MAD1L1: variants seen among roughly 807,000 people sequenced by gnomAD.
MAD1L1 encodes the protein mitotic spindle assembly checkpoint protein MAD1.
A neutral mutation model predicts 96.9 loss-of-function variants in MAD1L1; 95 were observed. The ratio of observed to expected loss-of-function variants is 0.98; its 90% confidence interval spans 0.83 to 1.16. MAD1L1 has a LOEUF of 1.16. Among genes scored for constraint, MAD1L1 ranks in the 50% most tolerant of loss-of-function variants. The pLI, the probability that MAD1L1 is intolerant of heterozygous loss-of-function variation, is 0.00. For missense variants in MAD1L1, 1,007 were observed against 954.4 expected (o/e 1.06, Z -0.73); for synonymous variants, 473 against 396.6 (o/e 1.19, Z -2.29).
At chr7:1,937,275 G>A (rs2128464190) in intron 16 of MAD1L1, among the ~76,000 whole-genome samples, 1 of 152,304 alleles carries the variant, frequency 6.6e-6, no homozygotes, top group Admixed American at 6.5e-5. Flanking sequence ...GATGAGACTG[G>A]GAGCCCGTGT....
intron 14 of MAD1L1, among the ~76,000 whole-genome samples, chr7:1,982,099 A>G (rs1210941464): frequency 6.6e-6 from 1 of 152,120 alleles, no homozygotes. Flanking sequence ...CAACATGTCT[A>G]TGTTCTTCCT....
intron 18 of MAD1L1, chr7:1,849,064 AC>A (rs1562454223): frequency 6.6e-6 from 1 of 150,786 alleles, no homozygotes; most frequent in Non-Finnish European, 1.5e-5. Flanking sequence ...ACACACACAC[AC>A]ACACACACAA....
intron 15 of MAD1L1, among the ~76,000 whole-genome samples, chr7:1,972,722 A>T (rs2128480468): frequency 6.7e-6 from 1 of 149,712 alleles, no homozygotes; most frequent in South Asian, 2.1e-4. Context: ...GGGCTATTCC[A>T]CTCTCCTTTC....
chr7:1,910,953 A>C (rs1399220970), intron 17 of MAD1L1, among the ~76,000 whole-genome samples: 1 of 152,116 alleles, frequency 6.6e-6, no homozygotes, highest in Non-Finnish European at 1.5e-5. Context: ...CCAACCCTGC[A>C]CCCATCCCGT....
At position 1,882,984 on chromosome 7, in the gene MAD1L1, C is replaced by T. The variant is rs55956596; in HGVS notation, c.1998+15216G>A. On this transcript the variant is annotated intron_variant, in intron 18 of 18. Coordinates refer to ENST00000265854, the MANE Select transcript of MAD1L1 (RefSeq NM_001013836.2). ...ACGACTCCAGGAACCAGCTCCTTAT[C>T]ACCAAACCTCGTGCCACAAACGGCC... 8.4e-3 allele frequency among the ~76,000 whole-genome samples: 177 copies of T among 21,012 alleles called. 1 individual carries two copies. Among genetic ancestry groups the T allele is most frequent in the African/African-American group, 0.038 (131 of 3,468 alleles). The allele number at this position is 21,012 out of a possible 152,430, so 13.8% of individuals were successfully genotyped here.
intron 11 of MAD1L1, among the ~76,000 whole-genome samples, chr7:2,143,923 C>T (rs928781872): frequency 2.0e-4 from 31 of 152,200 alleles, no homozygotes; most frequent in Admixed American, 1.6e-3. Flanking sequence ...ACTTCTCAGC[C>T]GGCTCTACCT....
chr7:2,060,788 A>C (rs757484606), intron 12 of MAD1L1, among the ~76,000 whole-genome samples: 2 of 152,380 alleles, frequency 1.3e-5, no homozygotes, highest in African/African-American at 2.4e-5. Context: ...AACATATAAA[A>C]GGTAAACAAT....
chr7:2,161,305 G>A (rs980908135), intron 10 of MAD1L1, among the ~76,000 whole-genome samples: 1 of 151,784 alleles, frequency 6.6e-6, no homozygotes, highest in African/African-American at 2.4e-5. Context: ...ACGGGGTTTC[G>A]CTGTGCTGGC....
intron 10 of MAD1L1, among the ~76,000 whole-genome samples, chr7:2,149,781 C>A (rs972506571): frequency 1.3e-5 from 2 of 152,344 alleles, no homozygotes; most frequent in Non-Finnish European, 2.9e-5. Flanking sequence ...GAAACAGCCG[C>A]TTCAAAGTTC....
At chr7:1,972,786 G>A (rs1364893251) in intron 15 of MAD1L1, among the ~76,000 whole-genome samples, 2 of 151,926 alleles carry the variant, frequency 1.3e-5, no homozygotes, top group Admixed American at 6.5e-5. Context: ...CTTTCTCAAC[G>A]TGAACACTGA....
intron 18 of MAD1L1, among the ~76,000 whole-genome samples, chr7:1,832,382 A>G (rs933938655): frequency 2.6e-5 from 4 of 151,986 alleles, no homozygotes; most frequent in African/African-American, 9.7e-5. Flanking sequence ...ATGAACAAAG[A>G]AAGTGGTTTC....
At position 2,055,603 on chromosome 7, in the gene MAD1L1, G is replaced by A. The variant is rs182124146; in HGVS notation, c.1218+13591C>T. Among the ~76,000 whole-genome samples, 599 of 150,642 alleles carry A rather than the reference G, an allele frequency of 4.0e-3. 5 individuals are homozygous for A. The highest frequency in any genetic ancestry group is 0.014 in the African/African-American group (566 of 40,826). On this transcript the variant is annotated intron_variant, in intron 12 of 18. Coordinates refer to ENST00000265854, the MANE Select transcript of MAD1L1 (RefSeq NM_001013836.2). ...GAGAATCACCGGAGCCTGCGATGTC[G>A]AGGCTGCAGTGAGCCGAGACCACAC...
chr7:1,905,577 T>C (rs1250776740), intron 17 of MAD1L1, among the ~76,000 whole-genome samples: 3 of 152,234 alleles, frequency 2.0e-5, no homozygotes, highest in African/African-American at 7.2e-5. Flanking sequence ...TGAAGCACTG[T>C]TCCAGGCAGC....
At chr7:2,001,095 G>T in intron 14 of MAD1L1, among the ~76,000 whole-genome samples, 1 of 152,354 alleles carries the variant, frequency 6.6e-6, no homozygotes, top group East Asian at 1.9e-4. Context: ...CACCCCTGCC[G>T]GGTGGAGAGG....
intron 18 of MAD1L1, among the ~76,000 whole-genome samples, chr7:1,859,868 C>T (rs1240058097): frequency 6.6e-6 from 1 of 151,278 alleles, no homozygotes; most frequent in Non-Finnish European, 1.5e-5. Context: ...CCTCTGTCTC[C>T]CTAGATGTGA....
intron 18 of MAD1L1, among the ~76,000 whole-genome samples, chr7:1,818,781 C>T (rs1202470182): frequency 6.6e-6 from 1 of 151,880 alleles, no homozygotes; most frequent in African/African-American, 2.4e-5. Context: ...CCACTCACGG[C>T]TCCTACAGCA....
At position 2,014,541 on chromosome 7, in the gene MAD1L1, A is replaced by T. The variant is rs756729917; in HGVS notation, c.1320T>A (p.Asp440Glu). 2 of 1,608,996 alleles carry T rather than the reference A, an allele frequency of 1.2e-6. No homozygotes were observed. The highest frequency in any genetic ancestry group is 1.3e-5 in the African/African-American group (1 of 74,804). ...TGTGGCTGTGCACCTTCTGCACCAT[A>T]TCCTCAGCCTCCCGCATGCGCCGCG... ...QLTRRMREAEDMVQKVHSHSA... is the reference protein window; with the variant it reads ...QLTRRMREAEEMVQKVHSHSA... Residue 440 changes from aspartate (D) to glutamate (E), a missense_variant, in exon 13 of 19, where the codon GAT (aspartate) becomes GAA (glutamate). Asp to Glu is a conservative substitution (Grantham distance 45). Coordinates refer to ENST00000265854, the MANE Select transcript of MAD1L1 (RefSeq NM_001013836.2).
chr7:2,040,366 G>A (rs1048599674), intron 12 of MAD1L1, among the ~76,000 whole-genome samples: 7 of 152,098 alleles, frequency 4.6e-5, no homozygotes, highest in African/African-American at 1.2e-4. Context: ...TGGCCCCACC[G>A]GCACCGGGGA....
intron 12 of MAD1L1, among the ~76,000 whole-genome samples, chr7:2,039,028 G>C (rs1403186827): frequency 1.3e-5 from 2 of 152,156 alleles, no homozygotes; most frequent in Non-Finnish European, 2.9e-5. Context: ...TCACAGCCAC[G>C]ATTCCTCCTG....
Sources: allele counts gnomAD v4.1 joint callset (sites outside exome capture counted in the v4.1 genomes callset), GRCh38; gene constraint gnomAD v4.1.1; transcripts MANE v1.5; gene names NCBI Gene and HGNC (gene_info 2026-07-23, HGNC 2026-07-21).